The following TENT2 variants were observed in gnomAD, a reference collection of about 807,000 sequenced individuals.
TENT2 encodes terminal nucleotidyltransferase 2.
A neutral mutation model predicts 72.2 loss-of-function variants in TENT2; 44 were observed. That is an observed-to-expected ratio of 0.61 (90% CI 0.48 to 0.78). The LOEUF (loss-of-function observed/expected upper bound fraction) is 0.78. TENT2 is among the 30% of genes least tolerant of loss of function. The pLI is 0.00. For missense variants in TENT2, 541 were observed against 569.6 expected, an observed-to-expected ratio of 0.95 and a Z score of 0.51; for synonymous variants, 212 against 192.5, an observed-to-expected ratio of 1.10 and a Z score of -0.84.
chr5:79,629,100 T>A (rs1398558204), intron 4 of TENT2, among the ~76,000 whole-genome samples: 1 of 152,190 alleles, frequency 6.6e-6, no homozygotes, highest in Non-Finnish European at 1.5e-5. Context: ...AGCAGAAATC[T>A]TGGATGCAAA....
rs1337751793 is a variant in TENT2, at chr5:79,686,372, TTTATGTAAATA to T, written c.*1102_*1112del. 1 of 152,140 alleles carries T rather than the reference TTTATGTAAATA, an allele frequency of 6.6e-6. No homozygotes were observed. Among genetic ancestry groups the T allele is most frequent in the Non-Finnish European group, 1.5e-5 (1 of 68,008 alleles). 9.4% of individuals were successfully genotyped at this position (152,140 alleles called of 1,614,324 possible). A position where few individuals can be genotyped will look rare whatever the true frequency, so the allele number is the denominator to read the frequency against. ...CAGTGTTTATTAAGGGTCTTTTTGA[TTTATGTAAATA>T]TTTGTAAATTGGTCAGTGCCTGTAA... On this transcript the variant is annotated 3_prime_UTR_variant, in exon 15 of 15. Transcript: ENST00000453514.
At chr5:79,670,311 TTTTATTTA>T (rs554958818) in intron 12 of TENT2, among the ~76,000 whole-genome samples, 64 of 151,898 alleles carry the variant, frequency 4.2e-4, no homozygotes, top group African/African-American at 1.4e-3. Flanking sequence ...AGGTAAGAGC[TTTTATTTA>T]TTTATTTATT....
intron 3 of TENT2, among the ~76,000 whole-genome samples, chr5:79,622,821 T>C (rs1426737082): frequency 6.6e-6 from 1 of 152,328 alleles, no homozygotes; most frequent in East Asian, 1.9e-4. Flanking sequence ...TTAATTGGTC[T>C]TTCCTGCTGA....
chr5:79,617,049 T>G (rs1760780340), intron 1 of TENT2, among the ~76,000 whole-genome samples: 1 of 151,890 alleles, frequency 6.6e-6, no homozygotes, highest in African/African-American at 2.4e-5. Context: ...TTTCCAGCCC[T>G]CCTAGTCACA....
rs113869195 is a variant in TENT2, at chr5:79,683,102, T to C, written c.1380+1041T>C. 1.5e-3 allele frequency among the ~76,000 whole-genome samples: 227 copies of C among 152,084 alleles called. 3 individuals are homozygous for C. Among genetic ancestry groups the C allele is most frequent in the African/African-American group, 5.2e-3 (216 of 41,494 alleles). The stretch of plus-strand genomic sequence containing the variant: ...GAGGCTGCAGTGGGCTATTATCAAG[T>C]TGCTGCACTTCAAGCCTAGACAACA... On this transcript the variant is annotated intron_variant, in intron 14 of 14. Transcript: ENST00000453514.
intron 2 of TENT2, 57 bp from the exon 3 acceptor site, chr5:79,619,932 CTGGTT>C (rs1763414571): frequency 6.9e-7 from 1 of 1,449,488 alleles, no homozygotes; most frequent in Non-Finnish European, 9.4e-7. Flanking sequence ...TTTTCAGAGA[CTGGTT>C]TTGTTTTTAA....
intron 3 of TENT2, among the ~76,000 whole-genome samples, chr5:79,621,830 G>A (rs959699874): frequency 8.6e-5 from 13 of 151,740 alleles, no homozygotes; most frequent in African/African-American, 2.9e-4. Context: ...ATTAAAATTG[G>A]CATTCTCATT....
rs1480809867 is a variant in TENT2 at position 79,685,359 on chromosome 5, T to G, written c.*86T>G. Reference sequence around the variant, plus strand: ...ACATTATGTTTACCTCCATCATAGTTGCTTTTTTCATAGTTCTTGTTTTCA... The same window carrying G: ...ACATTATGTTTACCTCCATCATAGTGGCTTTTTTCATAGTTCTTGTTTTCA... On this transcript the variant is annotated 3_prime_UTR_variant, in exon 15 of 15. Coordinates refer to ENST00000453514, the MANE Select transcript of TENT2 (RefSeq NM_001114394.3). 1 of 957,580 alleles carries G rather than the reference T, an allele frequency of 1.0e-6. No homozygotes were observed. Among genetic ancestry groups the G allele is most frequent in the Non-Finnish European group, 1.5e-6 (1 of 658,156 alleles). 59.3% of individuals were successfully genotyped at this position (957,580 alleles called of 1,614,324 possible).
intron 4 of TENT2, among the ~76,000 whole-genome samples, chr5:79,635,530 T>C (rs1779394626): frequency 6.6e-6 from 1 of 152,190 alleles, no homozygotes; most frequent in African/African-American, 2.4e-5. Context: ...TTTATAAATA[T>C]AATAACATTT....
At position 79,619,704 on chromosome 5, in the gene TENT2, A is replaced by G. The variant is rs754089479; in HGVS notation, c.56A>G (p.His19Arg). 12 of 1,613,796 alleles carry G rather than the reference A, an allele frequency of 7.4e-6. No homozygotes were observed. The highest frequency in any genetic ancestry group is 2.7e-5 in the African/African-American group (2 of 74,926). The change falls in exon 2 of 15, where the codon CAT (histidine) becomes CGT (arginine). Residue 19 changes from histidine to arginine, a missense_variant. His to Arg is a conservative substitution (Grantham distance 29, BLOSUM62 0). Coordinates refer to ENST00000453514, the MANE Select transcript of TENT2 (RefSeq NM_001114394.3). Reference protein sequence around the residue: ...RPPFTPNHQQHNNFFTLSPTV... With the variant: ...RPPFTPNHQQRNNFFTLSPTV... ...CCCTTCACTCCAAATCATCAACAAC[A>G]TAATAACTTCTTTACCCTGTCACCT...
In TENT2 at chr5:79,649,018, A is replaced by G. The variant is rs747566574; in HGVS notation, c.899-44A>G. 8 of 1,592,888 alleles carry G rather than the reference A, an allele frequency of 5.0e-6. No homozygotes were observed. The East Asian group carries it at 1.8e-4, about 36-fold the overall frequency. ...GGAAATGATGTAAACTTTCAAAGAA[A>G]CTATAACGTCTCTTACCATGTTAAG... On this transcript the variant is annotated intron_variant, in intron 9 of 14. Coordinates refer to ENST00000453514, the MANE Select transcript of TENT2 (RefSeq NM_001114394.3).
intron 4 of TENT2, among the ~76,000 whole-genome samples, chr5:79,630,030 G>T (rs936947875): frequency 6.6e-6 from 1 of 152,198 alleles, no homozygotes; most frequent in Non-Finnish European, 1.5e-5. Context: ...AGCAACTCGG[G>T]AGGCTGAGGC....
rs1318763894 is a variant in TENT2 at position 79,668,885 on chromosome 5, T to C, written c.1072-7T>C. On this transcript the variant is annotated splice_region_variant and splice_polypyrimidine_tract_variant and intron_variant, in intron 11 of 14. Coordinates refer to ENST00000453514, the MANE Select transcript of TENT2 (RefSeq NM_001114394.3). ...TTTACATTTTTTCCCCTTCTTCTTT[T>C]TGACAGGAGTCTTTTAGTCCTGCTA... is the stretch of plus-strand genomic sequence containing the variant. 3 of 1,598,326 alleles carry C rather than the reference T, an allele frequency of 1.9e-6. No homozygotes were observed. Among genetic ancestry groups the C allele is most frequent in the South Asian group, 2.3e-5 (2 of 87,752 alleles).
chr5:79,644,186 T>A (rs1272284732), intron 7 of TENT2, among the ~76,000 whole-genome samples: 1 of 152,140 alleles, frequency 6.6e-6, no homozygotes, highest in African/African-American at 2.4e-5. Flanking sequence ...TTCGCCATGT[T>A]GGCCAGGCTG....
intron 13 of TENT2, among the ~76,000 whole-genome samples, chr5:79,680,222 TA>T (rs1250819950): frequency 6.6e-6 from 1 of 152,174 alleles, no homozygotes; most frequent in Non-Finnish European, 1.5e-5. Flanking sequence ...ATCTGGAGGT[TA>T]AAAAGTATAA....
At chr5:79,666,271 G>A (rs1464489747) in intron 11 of TENT2, among the ~76,000 whole-genome samples, 1 of 152,148 alleles carries the variant, frequency 6.6e-6, no homozygotes, top group East Asian at 1.9e-4. Flanking sequence ...TTACAGGCAT[G>A]AGCCACTGTG....
chr5:79,674,109 C>T (rs1580641908), intron 12 of TENT2, among the ~76,000 whole-genome samples: 1 of 152,112 alleles, frequency 6.6e-6, no homozygotes, highest in African/African-American at 2.4e-5. Context: ...CAAGGCCGGG[C>T]GTGGTGGCTC....
At chr5:79,617,082 A>G (rs994437326) in intron 1 of TENT2, among the ~76,000 whole-genome samples, 3 of 151,796 alleles carry the variant, frequency 2.0e-5, no homozygotes, top group African/African-American at 4.8e-5. Flanking sequence ...AGCTACTTCA[A>G]TTCTTCTGGC....
rs77171040 is a variant in TENT2 at position 79,632,166 on chromosome 5, A to G, written c.465+8677A>G. 4.0e-4 allele frequency among the ~76,000 whole-genome samples: 61 copies of G among 152,292 alleles called. 4 individuals are homozygous for G. The East Asian group carries it at 0.011, about 28-fold the overall frequency. On this transcript the variant is annotated intron_variant, in intron 4 of 14. Transcript: ENST00000453514. ...GGGTAGTATAGAGGGCTCACTTAAG[A>G]TTGGTAATAATGAATTCATTAATAA...
Sources: allele counts gnomAD v4.1 joint callset (sites outside exome capture counted in the v4.1 genomes callset), GRCh38; gene constraint gnomAD v4.1.1; transcripts MANE v1.5; gene names NCBI Gene and HGNC (gene_info 2026-07-23, HGNC 2026-07-21).